The following PPFIA1 variants were observed in gnomAD, a reference collection of about 807,000 sequenced individuals.
The protein encoded by PPFIA1 is liprin-alpha-1.
Under a neutral mutation model 149.9 loss-of-function variants are expected in PPFIA1, and 25 were observed. That is an observed-to-expected ratio of 0.17 (90% CI 0.12 to 0.23). The LOEUF is 0.23. Among genes scored for constraint, PPFIA1 ranks in the 10% least tolerant of loss-of-function variants. The pLI is 1.00. For synonymous variants in PPFIA1, 549 were observed against 552.8 expected (o/e 0.99, Z 0.10); for missense variants, 1,362 against 1,506.5 (o/e 0.90, Z 1.59).
intron 21 of PPFIA1, among the ~76,000 whole-genome samples, chr11:70,370,343 C>T (rs536907379): frequency 6.6e-6 from 1 of 151,710 alleles, no homozygotes; most frequent in South Asian, 2.1e-4. Context: ...TTACCTTGTT[C>T]CTTCTGCTTG....
intron 17 of PPFIA1, 40 bp downstream of exon 17, chr11:70,354,492 CTT>C: frequency 6.5e-7 from 1 of 1,546,854 alleles, no homozygotes; most frequent in Non-Finnish European, 8.7e-7. Context: ...GCGCACCTGT[CTT>C]TTCGTTTCTG....
intron 15 of PPFIA1, chr11:70,345,944 C>T (rs1006201241): frequency 4.2e-5 from 19 of 453,392 alleles, no homozygotes; most frequent in African/African-American, 2.0e-4. Context: ...CAGGAGTGCA[C>T]GGCTCCACTC....
Position 70,348,343 on chromosome 11 carries a change from G to A in PPFIA1, c.2086G>A (p.Gly696Ser). ...CTCGCTTGCTAGCTCCTCCCCTCCGGGCAGTGGGCGCTCCACCCCACGAAG... is the reference window on the plus strand; with the variant it reads ...CTCGCTTGCTAGCTCCTCCCCTCCGAGCAGTGGGCGCTCCACCCCACGAAG... ...ASSLASSSPP[G>S]SGRSTPRRIP... Residue 696 changes from glycine (G) to serine (S), a missense_variant, in exon 16 of 28, where the codon GGC (glycine) becomes AGC (serine). Physicochemically the swap from Gly to Ser is moderately conservative, Grantham distance 56 (BLOSUM62 0). Around this residue, in one of 7 missense-constraint regions of PPFIA1, gnomAD observed 733 missense variants for 744.1 expected, o/e 0.99. Coordinates refer to ENST00000253925, the MANE Select transcript of PPFIA1 (RefSeq NM_003626.5). The A allele has an allele frequency of 6.2e-7, 1 of 1,614,138 alleles. No homozygotes were observed. The highest frequency in any genetic ancestry group is 8.5e-7 in the Non-Finnish European group (1 of 1,180,014).
At chr11:70,279,903 G>GTGTGTGTGTGTGTGTGTGTGT (rs1328899566) in intron 2 of PPFIA1, among the ~76,000 whole-genome samples, 9 of 99,972 alleles carry the variant, frequency 9.0e-5, no homozygotes, top group African/African-American at 6.4e-4. Flanking sequence ...TGTGTGTGGG[G>GTGTGTGTGTGTGTGTGTGTGT]GATGTGTGTG....
At chr11:70,305,624 G>A (rs1801951516) in intron 2 of PPFIA1, among the ~76,000 whole-genome samples, 1 of 152,186 alleles carries the variant, frequency 6.6e-6, no homozygotes, top group Non-Finnish European at 1.5e-5. Flanking sequence ...GCCTGCCTCA[G>A]CTCCCAAAGT....
At chr11:70,372,656 A>G (rs902468788) in intron 23 of PPFIA1, 82 bp downstream of exon 23, 2 of 1,150,558 alleles carry the variant, frequency 1.7e-6, no homozygotes, top group Admixed American at 4.2e-5. Context: ...TATTTTTCAA[A>G]AAATCAAGAA....
chr11:70,304,863 C>T (rs145370416), intron 2 of PPFIA1, among the ~76,000 whole-genome samples: 121 of 152,300 alleles, frequency 7.9e-4, no homozygotes, highest in African/African-American at 2.8e-3. Flanking sequence ...TTCCTATCCT[C>T]ATTAGCCAGG....
chr11:70,366,167 A>C (rs1192134219), intron 21 of PPFIA1, among the ~76,000 whole-genome samples: 2 of 152,192 alleles, frequency 1.3e-5, no homozygotes, highest in Non-Finnish European at 2.9e-5. Flanking sequence ...AATTTTGAAC[A>C]TTTCTCATAT....
intron 16 of PPFIA1, among the ~76,000 whole-genome samples, chr11:70,352,588 C>G (rs909952978): frequency 3.9e-5 from 6 of 152,038 alleles, no homozygotes; most frequent in African/African-American, 1.4e-4. Flanking sequence ...CAGGCCTTGT[C>G]TACAAGAGAC....
chr11:70,382,415 G>A lies in PPFIA1; in HGVS notation c.*12+257G>A, dbSNP rs2057746360. ...CCTTTTCCTTAAACCTGAAAATGCTGACTCATTTTAATTGTCTGTGGATGT... is the reference window on the plus strand; with the variant it reads ...CCTTTTCCTTAAACCTGAAAATGCTAACTCATTTTAATTGTCTGTGGATGT... On this transcript the variant is annotated intron_variant, in intron 27 of 27. Coordinates refer to ENST00000253925, the MANE Select transcript of PPFIA1 (RefSeq NM_003626.5). Among the ~76,000 whole-genome samples the A allele has an allele frequency of 2.0e-5, 3 of 152,068 alleles. No homozygotes were observed. The South Asian group carries it at 6.2e-4, about 32-fold the overall frequency.
chr11:70,334,110 C>A (rs1034318306), intron 10 of PPFIA1, among the ~76,000 whole-genome samples: 1 of 152,138 alleles, frequency 6.6e-6, no homozygotes, highest in African/African-American at 2.4e-5. Context: ...AGACTTCTGT[C>A]CATTGAATCC....
chr11:70,317,334 C>CT (rs1482071300), intron 2 of PPFIA1, among the ~76,000 whole-genome samples: 1 of 152,048 alleles, frequency 6.6e-6, no homozygotes, highest in Non-Finnish European at 1.5e-5. Flanking sequence ...AATGTCCCGT[C>CT]TAATGTTTAC....
chr11:70,280,787 T>A (rs1375797871), intron 2 of PPFIA1, among the ~76,000 whole-genome samples: 1 of 152,160 alleles, frequency 6.6e-6, no homozygotes, highest in African/African-American at 2.4e-5. Context: ...AAGCTGTTCT[T>A]AAACTCCTGA....
intron 2 of PPFIA1, among the ~76,000 whole-genome samples, chr11:70,323,147 C>T (rs556573413): frequency 2.0e-5 from 3 of 152,330 alleles, no homozygotes; most frequent in African/African-American, 7.2e-5. Context: ...CCATTAAACC[C>T]ACACCTCCAG....
chr11:70,297,165 T>C (rs904271160), intron 2 of PPFIA1, among the ~76,000 whole-genome samples: 1 of 151,968 alleles, frequency 6.6e-6, no homozygotes, highest in Non-Finnish European at 1.5e-5. Flanking sequence ...TCCCAGCACT[T>C]TGGGAGGCTG....
chr11:70,348,901 T>C (rs924229848), intron 16 of PPFIA1, among the ~76,000 whole-genome samples: 1 of 151,878 alleles, frequency 6.6e-6, no homozygotes, highest in Non-Finnish European at 1.5e-5. Context: ...TAAAAAAAAA[T>C]TTTAATATTT....
At chr11:70,330,413 C>T (rs2054583834) in intron 8 of PPFIA1, 94 bp downstream of exon 8, 1 of 1,155,432 alleles carries the variant, frequency 8.7e-7, no homozygotes, top group African/African-American at 1.6e-5. Flanking sequence ...AAATCAAGTC[C>T]AAATATCAAG....
chr11:70,308,730 A>G (rs963931105), intron 2 of PPFIA1, among the ~76,000 whole-genome samples: 2 of 152,114 alleles, frequency 1.3e-5, no homozygotes, highest in Non-Finnish European at 2.9e-5. Context: ...CCAGGAGTTC[A>G]AGACCAGTCT....
intron 2 of PPFIA1, among the ~76,000 whole-genome samples, 192 bp downstream of exon 2, chr11:70,272,628 T>C (rs1201729766): frequency 2.0e-5 from 3 of 152,234 alleles, no homozygotes; most frequent in Non-Finnish European, 2.9e-5. Context: ...CGTTGTACTC[T>C]AAAGTCATGT....
Sources: allele counts gnomAD v4.1 joint callset (sites outside exome capture counted in the v4.1 genomes callset), GRCh38; gene constraint gnomAD v4.1.1; regional missense constraint gnomAD v4.1.1; transcripts MANE v1.5; gene names NCBI Gene and HGNC (gene_info 2026-07-23, HGNC 2026-07-21).